DMXL1: variants seen among roughly 807,000 people sequenced by gnomAD.
The protein encoded by DMXL1 is Dmx like 1, also known as dmX-like protein 1.
DMXL1 carries 99 observed loss-of-function variants against 319.2 expected under a neutral mutation model. That is an observed-to-expected ratio of 0.31 (90% CI 0.26 to 0.37). The LOEUF (loss-of-function observed/expected upper bound fraction) is 0.37. Among genes scored for constraint, DMXL1 ranks in the 10% least tolerant of loss-of-function variants. The pLI is 1.00. For synonymous variants in DMXL1, 1,385 were observed against 1,235.2 expected, an observed-to-expected ratio of 1.12 and a Z score of -2.54; for missense variants, 3,745 against 3,595.6, an observed-to-expected ratio of 1.04 and a Z score of -1.06.
chr5:119,185,968 A>C (rs1777640039), intron 28 of DMXL1, among the ~76,000 whole-genome samples: 1 of 152,196 alleles, frequency 6.6e-6, no homozygotes, highest in South Asian at 2.1e-4. Flanking sequence ...GTTCACGTAC[A>C]TTTGTAGTTC....
chr5:119,247,316 G>C lies in DMXL1; in HGVS notation c.*97G>C, dbSNP rs1425760868. 15 of 838,728 alleles carry C rather than the reference G, an allele frequency of 1.8e-5. No individual in the cohort carries two copies. The highest frequency in any genetic ancestry group is 2.7e-5 in the Non-Finnish European group (15 of 552,314). The allele number at this position is 838,728 out of a possible 1,614,324, so 52.0% of individuals were successfully genotyped here. On this transcript the variant is annotated 3_prime_UTR_variant, in exon 44 of 44. Coordinates refer to ENST00000539542, the MANE Select transcript of DMXL1 (RefSeq NM_001290321.3). ...TTCTCTATGCCACAAATTAGCTAAT[G>C]CTTTCTTGTTTTTATATTTATTTTA...
chr5:119,098,205 T>C (rs1372280599), intron 2 of DMXL1, 101 bp downstream of exon 2: 1 of 1,374,436 alleles, frequency 7.3e-7, no homozygotes, highest in Admixed American at 2.5e-5. Context: ...GACTTGGCTT[T>C]GTTTCAAAGA....
chr5:119,193,702 A>T, intron 29 of DMXL1, 126 bp from the exon 30 acceptor site: 1 of 933,506 alleles, frequency 1.1e-6, no homozygotes, highest in Non-Finnish European at 1.6e-6. Context: ...ATGGTAAGAT[A>T]ATAGTTACTT....
chr5:119,220,847 A>G, intron 36 of DMXL1, 93 bp from the exon 37 acceptor site: 2 of 1,437,122 alleles, frequency 1.4e-6, no homozygotes, highest in South Asian at 2.8e-5. Context: ...AATTAATTTT[A>G]AAGGGAACTA....
intron 28 of DMXL1, among the ~76,000 whole-genome samples, chr5:119,179,080 T>A (rs1226720934): frequency 6.6e-6 from 1 of 152,188 alleles, no homozygotes; most frequent in Admixed American, 6.5e-5. Flanking sequence ...GATTTCTAAG[T>A]GTTCATAATA....
At chr5:119,119,091 A>T (rs957353650) in intron 8 of DMXL1, 87 bp downstream of exon 8, 2 of 824,910 alleles carry the variant, frequency 2.4e-6, no homozygotes, top group Non-Finnish European at 3.5e-6. Flanking sequence ...TTATAAAAAA[A>T]CTATATCCTA....
At chr5:119,093,499 T>G (rs1755257592) in intron 1 of DMXL1, among the ~76,000 whole-genome samples, 1 of 152,180 alleles carries the variant, frequency 6.6e-6, no homozygotes, top group Non-Finnish European at 1.5e-5. Flanking sequence ...TTGTAATGGT[T>G]GTGGAATGCC....
In DMXL1 at chr5:119,196,438, G is replaced by T. The variant is rs1336830751; in HGVS notation, c.7525G>T (p.Ala2509Ser). The T allele has an allele frequency of 2.5e-6, 4 of 1,612,552 alleles. No individual in the cohort carries two copies. The highest frequency in any genetic ancestry group is 1.7e-5 in the Admixed American group (1 of 59,940). The change falls in exon 31 of 44, where the codon GCA becomes TCA. Residue 2509 changes from alanine (A) to serine (S), a missense_variant. Transcript: ENST00000539542. ...CAATTTGAAGACTTTTTATCCCTTC[G>T]CAGGTCATGATCTTGCAGGTAATAA... is the stretch of plus-strand genomic sequence containing the variant. ...LNNLKTFYPFAGHDLAELPVS... is the reference protein window; with the variant it reads ...LNNLKTFYPFSGHDLAELPVS...
At position 119,101,924 on chromosome 5, in the gene DMXL1, C is replaced by G. The variant is rs199518837; in HGVS notation, c.214-11C>G. ...CATATCCCTAATAAATTCTTTTTTT[C>G]TTTTTAAAAGATTGCAGCGTCTTAT... On this transcript the variant is annotated splice_polypyrimidine_tract_variant and intron_variant, in intron 2 of 43. Coordinates refer to ENST00000539542, the MANE Select transcript of DMXL1 (RefSeq NM_001290321.3). 1 of 1,569,182 alleles carries G rather than the reference C, an allele frequency of 6.4e-7. No individual in the cohort carries two copies. Among genetic ancestry groups the G allele is most frequent in the African/African-American group, 1.4e-5 (1 of 73,140 alleles).
chr5:119,087,503 T>A (rs1753637633), intron 1 of DMXL1, among the ~76,000 whole-genome samples: 1 of 152,234 alleles, frequency 6.6e-6, no homozygotes, highest in Admixed American at 6.5e-5. Context: ...TTTATTCCAT[T>A]GTAGTGAGAA....
At chr5:119,184,267 A>G (rs76079121) in intron 28 of DMXL1, among the ~76,000 whole-genome samples, 3,283 of 152,042 alleles carry the variant, frequency 0.022, 106 homozygotes, top group African/African-American at 0.075. Flanking sequence ...AGGTCTCACT[A>G]TACCCAGGCT....
chr5:119,161,020 A>ATT (rs2150203810), intron 19 of DMXL1, among the ~76,000 whole-genome samples: 1 of 152,316 alleles, frequency 6.6e-6, no homozygotes, highest in South Asian at 2.1e-4. Context: ...GTTTCGAGAT[A>ATT]TAATGATTCC....
rs1764290744 is a variant in DMXL1 at position 119,129,317 on chromosome 5, T to A, written c.1209T>A (p.Thr403=). The change falls in exon 10 of 44, where the codon ACT becomes ACA. Residue 403 remains threonine (T), a synonymous_variant. Coordinates refer to ENST00000539542, the MANE Select transcript of DMXL1 (RefSeq NM_001290321.3). ...HWLNNKELHF[T]LSMEVFLQQL... The stretch of plus-strand genomic sequence containing the variant: ...TAAACAATAAAGAACTGCATTTTAC[T>A]TTGTCCATGGAAGTTTTTTTACAGC... The A allele has an allele frequency of 6.2e-7, 1 of 1,613,752 alleles. No homozygotes were observed. The highest frequency in any genetic ancestry group is 1.3e-5 in the African/African-American group (1 of 74,912).
intron 34 of DMXL1, among the ~76,000 whole-genome samples, chr5:119,208,516 A>T (rs771054794): frequency 7.2e-5 from 11 of 152,162 alleles, no homozygotes; most frequent in Admixed American, 1.3e-4. Context: ...GCCCAGCCAC[A>T]TATCAGGAAT....
chr5:119,080,653 C>T (rs1012322147), intron 1 of DMXL1, among the ~76,000 whole-genome samples: 1 of 152,192 alleles, frequency 6.6e-6, no homozygotes, highest in Admixed American at 6.5e-5. Flanking sequence ...CTTTTAACCT[C>T]TGTCCCTGTA....
chr5:119,204,400 A>G (rs754927229), intron 33 of DMXL1, among the ~76,000 whole-genome samples: 2 of 152,160 alleles, frequency 1.3e-5, no homozygotes, highest in Admixed American at 1.3e-4. Context: ...TGGCCTCCCA[A>G]AGTGCTGAGA....
rs750176933 is a variant in DMXL1, at chr5:119,189,863, A to G, written c.7291A>G (p.Ile2431Val). 3.7e-6 allele frequency: 6 copies of G among 1,613,780 alleles called. No individual in the cohort carries two copies. The highest frequency in any genetic ancestry group is 3.4e-6 in the Non-Finnish European group (4 of 1,179,848). ...KEKFIPPELS[I>V]WDYFIAKPFL... ...AAAGTTCATCCCACCTGAGCTCAGT[A>G]TCTGGGACTATTTCATAGCTAAGGT... The change falls in exon 29 of 44, where the codon ATC (isoleucine) becomes GTC (valine). Residue 2431 changes from isoleucine (I) to valine (V), a missense_variant. Physicochemically the swap from Ile to Val is conservative, Grantham distance 29. Around this residue, in one of 4 missense-constraint regions of DMXL1, gnomAD observed 1,382 missense variants for 1,269.5 expected, o/e 1.09. Transcript: ENST00000539542.
chr5:119,231,164 G>A (rs1417206369), intron 38 of DMXL1, among the ~76,000 whole-genome samples: 2 of 152,130 alleles, frequency 1.3e-5, no homozygotes, highest in African/African-American at 4.8e-5. Flanking sequence ...ACAATTTTGT[G>A]TAAATTAAAA....
Position 119,071,487 on chromosome 5 carries a change from C to G in DMXL1, c.-83C>G. ...TCGCCACCGAAGAGCGGCCGCCGCC[C>G]CTGAGGGAAGGAGGGAGGGAAGCAG... On this transcript the variant is annotated 5_prime_UTR_variant, in exon 1 of 44. Coordinates refer to ENST00000539542, the MANE Select transcript of DMXL1 (RefSeq NM_001290321.3). 1.4e-6 allele frequency: 2 copies of G among 1,389,562 alleles called. No individual in the cohort carries two copies. The highest frequency in any genetic ancestry group is 5.1e-5 in the East Asian group (2 of 39,400). 86.1% of individuals were successfully genotyped at this position (1,389,562 alleles called of 1,614,324 possible). A position where few individuals can be genotyped will look rare whatever the true frequency, so the allele number is the denominator to read the frequency against.
Sources: allele counts gnomAD v4.1 joint callset (sites outside exome capture counted in the v4.1 genomes callset), GRCh38; gene constraint gnomAD v4.1.1; regional missense constraint gnomAD v4.1.1; transcripts MANE v1.5; gene names NCBI Gene and HGNC (gene_info 2026-07-23, HGNC 2026-07-21).